Variants in MACC1 observed in about 807,000 individuals in gnomAD.
MACC1 encodes MET transcriptional regulator MACC1, also known as metastasis-associated in colon cancer protein 1.
MACC1 carries 79 observed loss-of-function variants against 70.7 expected under a neutral mutation model. That is an observed-to-expected ratio of 1.12 (90% CI 0.93 to 1.35). The LOEUF (loss-of-function observed/expected upper bound fraction) is 1.35, where lower values mean the gene tolerates loss of function less well. Ranked by LOEUF, MACC1 falls within the 40% of genes most tolerant of loss-of-function variation. The probability of loss-of-function intolerance (pLI) is 0.00; values close to 1 mark genes in which losing one functional copy is unlikely to be tolerated. For synonymous variants in MACC1, 361 were observed against 347.2 expected (o/e 1.04, Z -0.44); for missense variants, 1,106 against 978.1 (o/e 1.13, Z -1.74).
chr7:20,182,788 T>G (rs533142650), intron 1 of MACC1, among the ~76,000 whole-genome samples: 1 of 152,262 alleles, frequency 6.6e-6, no homozygotes, highest in Non-Finnish European at 1.5e-5. Flanking sequence ...TTTTCATATA[T>G]GGCCCTTTCA....
chr7:20,200,195 C>T (rs1299599369), intron 1 of MACC1, among the ~76,000 whole-genome samples: 1 of 151,746 alleles, frequency 6.6e-6, no homozygotes, highest in African/African-American at 2.4e-5. Flanking sequence ...CAGGGGCTAA[C>T]TGAAAAAACA....
intron 1 of MACC1, among the ~76,000 whole-genome samples, chr7:20,176,645 T>C (rs1375918022): frequency 6.6e-6 from 1 of 152,168 alleles, no homozygotes; most frequent in Non-Finnish European, 1.5e-5. Context: ...AGCAGCTTAG[T>C]ATTTAATAGC....
At chr7:20,216,641 T>C (rs895434679) in intron 1 of MACC1, among the ~76,000 whole-genome samples, 14 of 152,178 alleles carry the variant, frequency 9.2e-5, no homozygotes, top group Admixed American at 2.6e-4. Flanking sequence ...CCAAGCTTAA[T>C]TGAAACTTAA....
Position 20,139,588 on chromosome 7 carries a change from A to T in MACC1, c.*1358T>A, listed in dbSNP as rs756720521. 6.6e-6 allele frequency: 1 copy of T among 152,184 alleles called. No individual in the cohort carries two copies. The highest frequency in any genetic ancestry group is 1.5e-5 in the Non-Finnish European group (1 of 68,044). The allele number at this position is 152,184 out of a possible 1,614,324, so 9.4% of individuals were successfully genotyped here. A position where few individuals can be genotyped will look rare whatever the true frequency, so the allele number is the denominator to read the frequency against. On this transcript the variant is annotated 3_prime_UTR_variant, in exon 7 of 7. Coordinates refer to ENST00000400331, the MANE Select transcript of MACC1 (RefSeq NM_182762.4). The stretch of plus-strand genomic sequence containing the variant: ...TTTTTCCCATTAGCCTCAAGCATCT[A>T]TATGCCTGCCAAAAAATAGACACAT...
In MACC1 at chr7:20,136,283, C is replaced by T. The variant is rs900500179; in HGVS notation, c.*4663G>A. The stretch of plus-strand genomic sequence containing the variant: ...TGTAGAGGAAGCCTTTCATGCTGTA[C>T]TCATTATGACAACAACAATATTTTC... On this transcript the variant is annotated 3_prime_UTR_variant, in exon 7 of 7. Transcript: ENST00000400331. The T allele has an allele frequency of 1.3e-5, 2 of 152,184 alleles. No individual in the cohort carries two copies. Among genetic ancestry groups the T allele is most frequent in the African/African-American group, 2.4e-5 (1 of 41,444 alleles). 9.4% of individuals were successfully genotyped at this position (152,184 alleles called of 1,614,324 possible).
intron 1 of MACC1, chr7:20,198,441 TAG>T (rs1378150277): frequency 6.6e-6 from 1 of 152,208 alleles, no homozygotes; most frequent in African/African-American, 2.4e-5. Flanking sequence ...TGCCAAAAAC[TAG>T]AGTTTAATGG....
chr7:20,137,466 G>A lies in MACC1; in HGVS notation c.*3480C>T, dbSNP rs2128099020. 6.6e-6 allele frequency: 1 copy of A among 152,304 alleles called. No individual in the cohort carries two copies. The allele number at this position is 152,304 out of a possible 1,614,324, so 9.4% of individuals were successfully genotyped here. Reference sequence around the variant, plus strand: ...TTCATATAAAGGCTTTAACACAAAGGAGGTAGAGGATCTGTGGCTTATACA... The same window carrying A: ...TTCATATAAAGGCTTTAACACAAAGAAGGTAGAGGATCTGTGGCTTATACA... On this transcript the variant is annotated 3_prime_UTR_variant, in exon 7 of 7. Coordinates refer to ENST00000400331, the MANE Select transcript of MACC1 (RefSeq NM_182762.4).
chr7:20,141,220 T>A (rs1238354866), intron 6 of MACC1, 62 bp from the exon 7 acceptor site: 4 of 1,157,552 alleles, frequency 3.5e-6, no homozygotes, highest in East Asian at 5.0e-5. Context: ...AAATCGTTTT[T>A]AAAAAAAAGA....
intron 1 of MACC1, among the ~76,000 whole-genome samples, chr7:20,180,115 T>G (rs1013240908): frequency 6.6e-6 from 1 of 152,220 alleles, no homozygotes; most frequent in African/African-American, 2.4e-5. Flanking sequence ...AATATACTTA[T>G]TCAATTCAGA....
Position 20,158,943 on chromosome 7 carries a change from G to T in MACC1, c.1418C>A (p.Ser473Tyr). 3 of 1,613,892 alleles carry T rather than the reference G, an allele frequency of 1.9e-6. No homozygotes were observed. Among genetic ancestry groups the T allele is most frequent in the Non-Finnish European group, 2.5e-6 (3 of 1,179,964 alleles). The stretch of plus-strand genomic sequence containing the variant: ...GTGCATCTCTCTGTGCTCAACTAAA[G>T]AAAATAAAAATTGTTGATGAACTAC... ...GEVVHQQFLF[S>Y]LVEHREMHLF... is the part of the protein sequence containing the mutation. Residue 473 changes from serine (S) to tyrosine (Y), a missense_variant, in exon 5 of 7, where the codon TCT becomes TAT. Coordinates refer to ENST00000400331, the MANE Select transcript of MACC1 (RefSeq NM_182762.4).
At chr7:20,161,700 T>G (rs1347628059) in intron 4 of MACC1, 48 bp downstream of exon 4, 1 of 1,145,544 alleles carries the variant, frequency 8.7e-7, no homozygotes, top group African/African-American at 1.5e-5. Flanking sequence ...TGGTGATGAA[T>G]TTCATATACT....
At chr7:20,150,573 A>G (rs1225452711) in intron 6 of MACC1, 2 of 152,222 alleles carry the variant, frequency 1.3e-5, no homozygotes, top group Non-Finnish European at 2.9e-5. Context: ...CATCTTCCCA[A>G]TTATGAATCT....
intron 6 of MACC1, among the ~76,000 whole-genome samples, chr7:20,149,408 T>A (rs796180811): frequency 1.3e-5 from 2 of 152,328 alleles, no homozygotes; most frequent in Admixed American, 6.5e-5. Context: ...ATGCAAAACA[T>A]TGTCCCAAAT....
chr7:20,200,954 G>A (rs954109916), intron 1 of MACC1, among the ~76,000 whole-genome samples: 1 of 152,186 alleles, frequency 6.6e-6, no homozygotes, highest in African/African-American at 2.4e-5. Context: ...TACCAAGGAA[G>A]TGTTCCTCTC....
chr7:20,143,364 G>A (rs573251359), intron 6 of MACC1, among the ~76,000 whole-genome samples: 1 of 152,272 alleles, frequency 6.6e-6, no homozygotes, highest in African/African-American at 2.4e-5. Flanking sequence ...CTCACATTTG[G>A]CAATTTGTTG....
At chr7:20,202,795 CA>C (rs1229933546) in intron 1 of MACC1, among the ~76,000 whole-genome samples, 1 of 152,164 alleles carries the variant, frequency 6.6e-6, no homozygotes, top group Non-Finnish European at 1.5e-5. Flanking sequence ...ATTTAAAGGG[CA>C]CATGTGGCTA....
At chr7:20,212,448 C>T (rs747464772) in intron 1 of MACC1, among the ~76,000 whole-genome samples, 35 of 152,118 alleles carry the variant, frequency 2.3e-4, no homozygotes, top group Non-Finnish European at 4.1e-4. Context: ...GAAAACAAAA[C>T]CTGGGAGGAA....
chr7:20,216,240 T>A (rs183732061), intron 1 of MACC1, among the ~76,000 whole-genome samples: 111 of 152,232 alleles, frequency 7.3e-4, no homozygotes, highest in African/African-American at 2.6e-3. Context: ...AAGACATTTT[T>A]AGGAAATTAG....
At chr7:20,148,322 A>T (rs1781924201) in intron 6 of MACC1, among the ~76,000 whole-genome samples, 1 of 152,226 alleles carries the variant, frequency 6.6e-6, no homozygotes. Context: ...ATCCAGGAAA[A>T]GAACCCAGGT....
Sources: gnomAD v4.1 joint callset for allele counts (sites outside exome capture counted in the v4.1 genomes callset) on GRCh38, gnomAD v4.1.1 for gene constraint, MANE v1.5 for transcripts, NCBI Gene and HGNC (gene_info 2026-07-23, HGNC 2026-07-21) for gene names.